The following UBE2E2 variants were observed in gnomAD, a reference collection of about 807,000 sequenced individuals.
The protein encoded by UBE2E2 is ubiquitin conjugating enzyme E2 E2, also known as ubiquitin-conjugating enzyme E2 E2.
Under a neutral mutation model 24.7 loss-of-function variants are expected in UBE2E2, and 6 were observed. The ratio of observed to expected loss-of-function variants is 0.24; its 90% CI spans 0.13 to 0.48. UBE2E2 has a LOEUF of 0.48. Ranked by LOEUF, UBE2E2 falls within the 20% of genes least tolerant of loss-of-function variation. The probability of loss-of-function intolerance (pLI) is 0.99; values close to 1 mark genes in which losing one functional copy is unlikely to be tolerated. For synonymous variants in UBE2E2, 104 were observed against 83.6 expected, an observed-to-expected ratio of 1.24 and a Z score of -1.33; for missense variants, 169 against 245.0, an observed-to-expected ratio of 0.69 and a Z score of 2.07.
At chr3:23,512,818 G>A (rs1002865492) in intron 4 of UBE2E2, among the ~76,000 whole-genome samples, 5 of 152,074 alleles carry the variant, frequency 3.3e-5, no homozygotes, top group African/African-American at 9.7e-5. Context: ...GGTGGCGCAC[G>A]CTTGTAATTC....
chr3:23,206,738 C>A (rs755682373), intron 1 of UBE2E2, among the ~76,000 whole-genome samples: 5 of 152,168 alleles, frequency 3.3e-5, no homozygotes, highest in Non-Finnish European at 5.9e-5. Context: ...ATCGGTGTTA[C>A]AACATTGCTT....
intron 3 of UBE2E2, among the ~76,000 whole-genome samples, chr3:23,304,077 T>C (rs1303420043): frequency 6.6e-6 from 1 of 152,202 alleles, no homozygotes; most frequent in African/African-American, 2.4e-5. Context: ...AGTTAGCTAC[T>C]ATCCTGCCTG....
chr3:23,391,794 T>G (rs1384375305), intron 3 of UBE2E2, among the ~76,000 whole-genome samples: 5 of 152,104 alleles, frequency 3.3e-5, no homozygotes, highest in Non-Finnish European at 7.4e-5. Context: ...GTGAGTTCAG[T>G]TAGGGAGAGT....
At chr3:23,418,193 C>A in intron 3 of UBE2E2, among the ~76,000 whole-genome samples, 1 of 152,286 alleles carries the variant, frequency 6.6e-6, no homozygotes, top group South Asian at 2.1e-4. Context: ...GGCGTAGGCA[C>A]CCGAGGGAAT....
chr3:23,297,177 T>G (rs541344472), intron 3 of UBE2E2, among the ~76,000 whole-genome samples: 1 of 152,264 alleles, frequency 6.6e-6, no homozygotes, highest in South Asian at 2.1e-4. Context: ...TCTTGTAAAT[T>G]TGTTTGAGAT....
chr3:23,582,331 C>G (rs968858312), intron 5 of UBE2E2, among the ~76,000 whole-genome samples: 2 of 151,968 alleles, frequency 1.3e-5, no homozygotes, highest in African/African-American at 4.8e-5. Flanking sequence ...TAGGTTGATT[C>G]CATGTCTTTG....
intron 3 of UBE2E2, among the ~76,000 whole-genome samples, chr3:23,357,334 T>C (rs377243195): frequency 7.2e-5 from 11 of 152,320 alleles, no homozygotes; most frequent in African/African-American, 2.4e-4. Context: ...TAATAACCTT[T>C]AAAATATTTC....
At chr3:23,354,155 A>C (rs983461959) in intron 3 of UBE2E2, among the ~76,000 whole-genome samples, 27 of 152,248 alleles carry the variant, frequency 1.8e-4, no homozygotes, top group Middle Eastern at 3.4e-3. Context: ...CCTATTTAAT[A>C]AATGGTGCTG....
intron 3 of UBE2E2, among the ~76,000 whole-genome samples, chr3:23,312,492 C>G (rs1029739229): frequency 6.6e-6 from 1 of 151,100 alleles, no homozygotes; most frequent in Non-Finnish European, 1.5e-5. Context: ...TTTTTTAATC[C>G]GTTAACCATC....
Position 23,214,041 on chromosome 3 carries a change from C to T in UBE2E2, c.177-3221C>T, listed in dbSNP as rs145206346. ...TCAAAACAGCAGGACATCTTACAACCGTTTAAATAGCAATTCTTAGTATAA... is the reference window on the plus strand; with the variant it reads ...TCAAAACAGCAGGACATCTTACAACTGTTTAAATAGCAATTCTTAGTATAA... On this transcript the variant is annotated intron_variant, in intron 2 of 5. Transcript: ENST00000396703. 7.3e-3 allele frequency among the ~76,000 whole-genome samples: 1,104 copies of T among 152,184 alleles called. 12 individuals carry two copies. The highest frequency in any genetic ancestry group is 0.025 in the African/African-American group (1,029 of 41,538).
At chr3:23,409,685 A>G (rs1169977721) in intron 3 of UBE2E2, among the ~76,000 whole-genome samples, 1 of 152,196 alleles carries the variant, frequency 6.6e-6, no homozygotes, top group Non-Finnish European at 1.5e-5. Context: ...TTAAAACAAA[A>G]GAAATTTATT....
intron 3 of UBE2E2, among the ~76,000 whole-genome samples, chr3:23,410,335 C>G (rs1365161378): frequency 2.0e-5 from 3 of 152,106 alleles, no homozygotes; most frequent in African/African-American, 7.2e-5. Flanking sequence ...TTTAGGCTAT[C>G]TTTTCTTGAT....
chr3:23,439,566 A>G (rs1159940064), intron 3 of UBE2E2, among the ~76,000 whole-genome samples: 1 of 152,200 alleles, frequency 6.6e-6, no homozygotes, highest in Admixed American at 6.5e-5. Flanking sequence ...ATTATGAGAG[A>G]GAACGTTGAG....
chr3:23,282,543 G>C (rs1282278289), intron 3 of UBE2E2, among the ~76,000 whole-genome samples: 1 of 152,082 alleles, frequency 6.6e-6, no homozygotes, highest in Admixed American at 6.6e-5. Context: ...CACTTTATCT[G>C]AGTTGAAAAT....
At chr3:23,486,955 C>A (rs1176058484) in intron 3 of UBE2E2, among the ~76,000 whole-genome samples, 1 of 152,190 alleles carries the variant, frequency 6.6e-6, no homozygotes, top group Non-Finnish European at 1.5e-5. Context: ...TCACTGGGGT[C>A]CCACCACCTC....
chr3:23,402,924 C>T (rs554161117), intron 3 of UBE2E2, among the ~76,000 whole-genome samples: 1 of 152,228 alleles, frequency 6.6e-6, no homozygotes, highest in South Asian at 2.1e-4. Context: ...CACAGCTCAA[C>T]CACCCTTGAC....
chr3:23,213,001 G>A (rs1439612683), intron 2 of UBE2E2, among the ~76,000 whole-genome samples: 1 of 151,980 alleles, frequency 6.6e-6, no homozygotes, highest in Non-Finnish European at 1.5e-5. Flanking sequence ...GCTTTTTTGA[G>A]AATAAGTTCA....
At chr3:23,250,587 A>G (rs1697548649) in intron 3 of UBE2E2, among the ~76,000 whole-genome samples, 2 of 152,224 alleles carry the variant, frequency 1.3e-5, no homozygotes, top group Admixed American at 6.5e-5. Context: ...ATCTGCGATG[A>G]AACTATTGAA....
At chr3:23,584,003 A>G (rs1035390209) in intron 5 of UBE2E2, among the ~76,000 whole-genome samples, 4 of 152,152 alleles carry the variant, frequency 2.6e-5, no homozygotes, top group African/African-American at 7.2e-5. Flanking sequence ...TGGATTTCAA[A>G]AGGGGTATGC....
Sources: gnomAD v4.1 joint callset for allele counts (sites outside exome capture counted in the v4.1 genomes callset) on GRCh38, gnomAD v4.1.1 for gene constraint, MANE v1.5 for transcripts, NCBI Gene and HGNC (gene_info 2026-07-23, HGNC 2026-07-21) for gene names.